The following MAP2 variants were observed in gnomAD, a reference collection of about 807,000 sequenced individuals.
MAP2 encodes microtubule-associated protein 2.
A neutral mutation model predicts 137.6 loss-of-function variants in MAP2; 14 were observed. The ratio of observed to expected loss-of-function variants is 0.10; its 90% CI spans 0.07 to 0.16. The LOEUF (loss-of-function observed/expected upper bound fraction) is 0.16, where lower values mean the gene tolerates loss of function less well. MAP2 is among the 10% of genes least tolerant of loss of function. The pLI is 1.00. For missense variants in MAP2, 2,088 were observed against 2,191.5 expected, an observed-to-expected ratio of 0.95 and a Z score of 0.94; for synonymous variants, 786 against 782.3, an observed-to-expected ratio of 1.00 and a Z score of -0.08.
At chr2:209,697,639 ATTCC>A (rs2060566201) in intron 10 of MAP2, among the ~76,000 whole-genome samples, 4 of 152,202 alleles carry the variant, frequency 2.6e-5, no homozygotes, top group Admixed American at 1.3e-4. Context: ...ATCAGATTTT[ATTCC>A]TCATATCCAA....
intron 2 of MAP2, among the ~76,000 whole-genome samples, chr2:209,558,073 G>A (rs767807579): frequency 5.9e-5 from 9 of 152,116 alleles, no homozygotes; most frequent in Non-Finnish European, 1.0e-4. Context: ...TTCACTAATT[G>A]TTAACATGAT....
chr2:209,459,432 C>T (rs1702254459), intron 1 of MAP2, among the ~76,000 whole-genome samples: 1 of 152,112 alleles, frequency 6.6e-6, no homozygotes, highest in Non-Finnish European at 1.5e-5. Context: ...CCACTAGATA[C>T]CCCCTTAAAA....
At chr2:209,504,988 G>A (rs1396498915) in intron 1 of MAP2, among the ~76,000 whole-genome samples, 1 of 152,068 alleles carries the variant, frequency 6.6e-6, no homozygotes, top group African/African-American at 2.4e-5. Flanking sequence ...TTGAATCACT[G>A]TCCTTCCCAC....
Position 209,694,758 on chromosome 2 carries a change from A to G in MAP2, c.2588A>G (p.Gln863Arg). Residue 863 changes from glutamine to arginine, a missense_variant, in exon 8 of 16, where the codon CAG becomes CGG. Around this residue, in one of 6 missense-constraint regions of MAP2, gnomAD observed 500 missense variants for 482.9 expected, o/e 1.04. Coordinates refer to ENST00000682079, the MANE Select transcript of MAP2 (RefSeq NM_001375505.1). ...CATGTCATTGTAAAAACGGACAGTC[A>G]GCTCGAAGACCTGGGCTACTGTGTG... ...ENHVIVKTDS[Q>R]LEDLGYCVFN... 2 of 1,614,190 alleles carry G rather than the reference A, an allele frequency of 1.2e-6. No individual in the cohort carries two copies. The highest frequency in any genetic ancestry group is 1.7e-6 in the Non-Finnish European group (2 of 1,180,030).
chr2:209,589,807 C>G (rs929130043), intron 3 of MAP2, among the ~76,000 whole-genome samples: 1 of 151,974 alleles, frequency 6.6e-6, no homozygotes, highest in Non-Finnish European at 1.5e-5. Flanking sequence ...TTCAGGATAG[C>G]AAAGAAAATT....
chr2:209,567,379 T>A (rs887674179), intron 2 of MAP2, among the ~76,000 whole-genome samples: 13 of 151,786 alleles, frequency 8.6e-5, no homozygotes, highest in Non-Finnish European at 4.4e-5. Context: ...TACTTTGGGG[T>A]AAAATGGAGG....
At chr2:209,706,314 T>A (rs1003049427) in intron 12 of MAP2, among the ~76,000 whole-genome samples, 1 of 152,178 alleles carries the variant, frequency 6.6e-6, no homozygotes, top group African/African-American at 2.4e-5. Flanking sequence ...TGTTGCATTG[T>A]GGCAAACTAT....
intron 13 of MAP2, among the ~76,000 whole-genome samples, chr2:209,718,112 T>A (rs1051347113): frequency 3.4e-4 from 52 of 152,228 alleles, no homozygotes; most frequent in Admixed American, 1.2e-3. Context: ...CAATAGAATT[T>A]TGTAACTATA....
chr2:209,660,875 C>T (rs1399003713), intron 5 of MAP2, among the ~76,000 whole-genome samples: 1 of 149,916 alleles, frequency 6.7e-6, no homozygotes, highest in Non-Finnish European at 1.5e-5. Context: ...ACTGGGACTA[C>T]AGGTGCCCGC....
chr2:209,668,770 C>A (rs977691871), intron 5 of MAP2, among the ~76,000 whole-genome samples: 1 of 152,156 alleles, frequency 6.6e-6, no homozygotes, highest in East Asian at 1.9e-4. Context: ...TGCTCCCCTT[C>A]TCTTGGGTTG....
chr2:209,701,703 C>A (rs911605993), intron 11 of MAP2, among the ~76,000 whole-genome samples: 1 of 151,956 alleles, frequency 6.6e-6, no homozygotes, highest in African/African-American at 2.4e-5. Context: ...GATTTTTATA[C>A]AAATGTTTCA....
chr2:209,648,104 ATTTTTTTT>A (rs200480350), intron 4 of MAP2, among the ~76,000 whole-genome samples: 1 of 141,854 alleles, frequency 7.0e-6, no homozygotes, highest in African/African-American at 2.6e-5. Flanking sequence ...AACGTCTTGG[ATTTTTTTT>A]TTTTTTTTTA....
At chr2:209,554,185 A>G (rs2153313029) in intron 2 of MAP2, among the ~76,000 whole-genome samples, 1 of 152,320 alleles carries the variant, frequency 6.6e-6, no homozygotes, top group Middle Eastern at 3.4e-3. Context: ...TTTTTAATAA[A>G]GCATTGAAAT....
chr2:209,642,846 T>C (rs2094140697), intron 4 of MAP2, among the ~76,000 whole-genome samples: 1 of 152,206 alleles, frequency 6.6e-6, no homozygotes, highest in South Asian at 2.1e-4. Context: ...AGCTTAGAAC[T>C]TCTCAGCATT....
intron 1 of MAP2, among the ~76,000 whole-genome samples, chr2:209,452,522 T>TA (rs1700555592): frequency 6.6e-6 from 1 of 152,230 alleles, no homozygotes; most frequent in African/African-American, 2.4e-5. Flanking sequence ...ATCATATCCC[T>TA]AGGCATCCCA....
chr2:209,617,174 C>G (rs369083630), intron 3 of MAP2, among the ~76,000 whole-genome samples: 1 of 152,078 alleles, frequency 6.6e-6, no homozygotes, highest in African/African-American at 2.4e-5. Flanking sequence ...ATTCTAGTTT[C>G]TATGACTTGT....
intron 3 of MAP2, among the ~76,000 whole-genome samples, chr2:209,580,726 G>A (rs1250713605): frequency 6.6e-6 from 1 of 152,160 alleles, no homozygotes; most frequent in Non-Finnish European, 1.5e-5. Flanking sequence ...ATCTTGCCAT[G>A]AATGCACTTG....
At chr2:209,696,850 C>A (rs545091515) in intron 9 of MAP2, 67 bp from the exon 10 acceptor site, 30 of 1,546,590 alleles carry the variant, frequency 1.9e-5, no homozygotes, top group Non-Finnish European at 2.6e-5. Flanking sequence ...TATAAAATTT[C>A]GTTCGGTTTT....
chr2:209,651,932 A>G (rs1185345559), intron 4 of MAP2, among the ~76,000 whole-genome samples: 1 of 152,228 alleles, frequency 6.6e-6, no homozygotes, highest in Non-Finnish European at 1.5e-5. Context: ...GCTTGGTAGT[A>G]AGAAGTGTAT....
Sources: gnomAD v4.1 joint callset for allele counts (sites outside exome capture counted in the v4.1 genomes callset) on GRCh38, gnomAD v4.1.1 for gene constraint, gnomAD v4.1.1 regional missense constraint, MANE v1.5 for transcripts, NCBI Gene and HGNC (gene_info 2026-07-23, HGNC 2026-07-21) for gene names.